The following TXNDC15 variants were observed in gnomAD, a reference collection of about 807,000 sequenced individuals.
The protein encoded by TXNDC15 is thioredoxin domain containing 15.
Under a neutral mutation model 35.0 loss-of-function variants are expected in TXNDC15, and 24 were observed. The ratio of observed to expected loss-of-function variants is 0.68; its 90% CI spans 0.50 to 0.96. The LOEUF (loss-of-function observed/expected upper bound fraction) is 0.96, where lower values mean the gene tolerates loss of function less well. TXNDC15 is among the 40% of genes least tolerant of loss of function. The pLI, the probability that TXNDC15 is intolerant of heterozygous loss-of-function variation, is 0.00. For missense variants in TXNDC15, 385 were observed against 453.3 expected, an observed-to-expected ratio of 0.85 and a Z score of 1.37; for synonymous variants, 169 against 174.0, an observed-to-expected ratio of 0.97 and a Z score of 0.23.
intron 2 of TXNDC15, among the ~76,000 whole-genome samples, chr5:134,888,723 C>A (rs1362357968): frequency 6.6e-6 from 1 of 152,086 alleles, no homozygotes; most frequent in African/African-American, 2.4e-5. Flanking sequence ...TTCAGGTAAT[C>A]CACCCGTCTC....
At chr5:134,895,000 T>C (rs1750462360) in intron 3 of TXNDC15, among the ~76,000 whole-genome samples, 1 of 151,776 alleles carries the variant, frequency 6.6e-6, no homozygotes. Flanking sequence ...ATGGCAGAAC[T>C]CCATCTCTAT....
chr5:134,878,753 C>G (rs906661950), intron 1 of TXNDC15, among the ~76,000 whole-genome samples: 2 of 152,234 alleles, frequency 1.3e-5, no homozygotes, highest in Non-Finnish European at 2.9e-5. Context: ...AATCCCAGCA[C>G]ACTGGGAGGC....
At chr5:134,878,872 A>C (rs1750089322) in intron 1 of TXNDC15, among the ~76,000 whole-genome samples, 1 of 152,136 alleles carries the variant, frequency 6.6e-6, no homozygotes, top group Non-Finnish European at 1.5e-5. Context: ...GGTGGTGCGC[A>C]TCTGTAATCC....
Position 134,893,608 on chromosome 5 carries a change from A to G in TXNDC15, c.708A>G (p.Ala236=), listed in dbSNP as rs1436915601. 6.2e-7 allele frequency: 1 copy of G among 1,614,130 alleles called. No homozygotes were observed. The highest frequency in any genetic ancestry group is 8.5e-7 in the Non-Finnish European group (1 of 1,180,036). Residue 236 remains alanine, a synonymous_variant, in exon 3 of 5, where the codon GCA becomes GCG. Coordinates refer to ENST00000358387, the MANE Select transcript of TXNDC15 (RefSeq NM_024715.4). ...CTCACTTTAACTCTCTGCCCCGGGC[A>G]TTTCCAGCTCTTCACTTTTTGGCAC... The part of the protein sequence containing the change: ...LAPHFNSLPR[A]FPALHFLALD...
intron 1 of TXNDC15, 127 bp downstream of exon 1, chr5:134,874,657 G>GTCTCCCCGACTTC: frequency 1.3e-6 from 1 of 745,342 alleles, no homozygotes; most frequent in Non-Finnish European, 2.0e-6. Flanking sequence ...CCCCGGGCGC[G>GTCTCCCCGACTTC]TCTCCCCGAC....
intron 1 of TXNDC15, among the ~76,000 whole-genome samples, chr5:134,884,131 A>G (rs1229955148): frequency 3.4e-5 from 5 of 149,216 alleles, no homozygotes; most frequent in Admixed American, 3.3e-4. Context: ...GAGGCAGGAG[A>G]ATTGCTTGAA....
chr5:134,899,463 T>G (rs1479241981), intron 4 of TXNDC15, 26 bp from the exon 5 acceptor site: 1 of 1,600,528 alleles, frequency 6.2e-7, no homozygotes, highest in Non-Finnish European at 8.5e-7. Context: ...TTCTGCCTGA[T>G]TTGAAACCAG....
chr5:134,894,738 C>T (rs1380594264), intron 3 of TXNDC15, among the ~76,000 whole-genome samples: 4 of 152,066 alleles, frequency 2.6e-5, no homozygotes, highest in Non-Finnish European at 5.9e-5. Flanking sequence ...GCGATTGTGC[C>T]TGAGTTATAA....
intron 1 of TXNDC15, 137 bp downstream of exon 1, chr5:134,874,667 C>T (rs1283532887): frequency 1.5e-5 from 10 of 681,030 alleles, no homozygotes; most frequent in Middle Eastern, 4.1e-4. Context: ...GTCTCCCCGA[C>T]TTCTCTCCCC....
intron 1 of TXNDC15, among the ~76,000 whole-genome samples, chr5:134,881,795 G>A (rs1283678051): frequency 6.7e-6 from 1 of 149,484 alleles, no homozygotes. Flanking sequence ...CTCCCGGACG[G>A]GGCGGCTGGC....
At position 134,874,437 on chromosome 5, in the gene TXNDC15, G is replaced by T; in HGVS notation, c.10G>T (p.Ala4Ser). 6.2e-7 allele frequency: 1 copy of T among 1,600,452 alleles called. No homozygotes were observed. Residue 4 changes from alanine to serine, a missense_variant, in exon 1 of 5, where the codon GCT (alanine) becomes TCT (serine). Coordinates refer to ENST00000358387, the MANE Select transcript of TXNDC15 (RefSeq NM_024715.4). ...CCTCTCGGCCTGGGCAATGGTCCCG[G>T]CTGCCGGTCGACGACCGCCCCGCGT... MVP[A>S]AGRRPPRVMR...
In TXNDC15 at chr5:134,896,414, T is replaced by G; in HGVS notation, c.876T>G (p.Phe292Leu). 1 of 1,613,658 alleles carries G rather than the reference T, an allele frequency of 6.2e-7. No homozygotes were observed. The highest frequency in any genetic ancestry group is 8.5e-7 in the Non-Finnish European group (1 of 1,179,874). Residue 292 changes from phenylalanine to leucine, a missense_variant, in exon 4 of 5, where the codon TTT becomes TTG. By Grantham distance (22) the Phe-to-Leu change is conservative. Transcript: ENST00000358387. ...TGGAAACACTGAAAATCTTCATTTT[T>G]AATCAGACAGGTATGTGGAAGTAAT... ...RTLETLKIFIFNQTGIEAKKN... is the reference protein window; with the variant it reads ...RTLETLKIFILNQTGIEAKKN...
At chr5:134,886,388 C>T (rs1421014871) in intron 1 of TXNDC15, among the ~76,000 whole-genome samples, 1 of 152,250 alleles carries the variant, frequency 6.6e-6, no homozygotes, top group African/African-American at 2.4e-5. Context: ...GGCTGCTGGC[C>T]TCACTGGTTT....
intron 1 of TXNDC15, among the ~76,000 whole-genome samples, chr5:134,882,737 G>A (rs1303214890): frequency 6.6e-6 from 1 of 152,116 alleles, no homozygotes; most frequent in African/African-American, 2.4e-5. Context: ...GCACTCGGCA[G>A]GCTGAGGCAG....
At chr5:134,874,585 C>G in intron 1 of TXNDC15, 55 bp downstream of exon 1, 1 of 1,439,160 alleles carries the variant, frequency 6.9e-7, no homozygotes, top group Non-Finnish European at 9.5e-7. Context: ...GAGGTCCACC[C>G]GGGCGACGCT....
At chr5:134,883,587 C>CAAAAAAAAAAAAAAAAAAAAA (rs60114636) in intron 1 of TXNDC15, among the ~76,000 whole-genome samples, 20 of 65,360 alleles carry the variant, frequency 3.1e-4, no homozygotes, top group African/African-American at 1.4e-3. Flanking sequence ...GACCCTGTCT[C>CAAAAAAAAAAAAAAAAAAAAA]AAAAAAAAAA....
chr5:134,876,085 G>A lies in TXNDC15; in HGVS notation c.103+1555G>A, dbSNP rs936290267. ...AGGTCATACAGCCAGAAGTTGAGGA[G>A]CCTTGATTCAAGCCCATGTCTGCCT... is the stretch of plus-strand genomic sequence containing the variant. On this transcript the variant is annotated intron_variant, in intron 1 of 4. Coordinates refer to ENST00000358387, the MANE Select transcript of TXNDC15 (RefSeq NM_024715.4). 3.3e-5 allele frequency among the ~76,000 whole-genome samples: 5 copies of A among 152,196 alleles called. No homozygotes were observed. In the East Asian group the frequency reaches 9.6e-4, roughly 29 times the overall value.
chr5:134,879,622 T>C (rs1177858162), intron 1 of TXNDC15, among the ~76,000 whole-genome samples: 1 of 152,152 alleles, frequency 6.6e-6, no homozygotes, highest in East Asian at 1.9e-4. Context: ...ATACCGCCAA[T>C]GTGATCCCGC....
Position 134,888,155 on chromosome 5 carries a change from C to T in TXNDC15, c.564C>T (p.Phe188=). The change falls in exon 2 of 5, where the codon TTC becomes TTT. Residue 188 remains phenylalanine (F), a synonymous_variant. Transcript: ENST00000358387. The part of the protein sequence containing the change: ...EERNITGLEN[F]TLKILNMSQD... ...GAAACATTACAGGATTAGAAAATTT[C>T]ACTCTGAAAATTTTAAATATGTCAC... The T allele has an allele frequency of 6.2e-7, 1 of 1,604,220 alleles. No individual in the cohort carries two copies. Among genetic ancestry groups the T allele is most frequent in the South Asian group, 1.1e-5 (1 of 89,750 alleles).
Sources: gnomAD v4.1 joint callset for allele counts (sites outside exome capture counted in the v4.1 genomes callset) on GRCh38, gnomAD v4.1.1 for gene constraint, MANE v1.5 for transcripts, NCBI Gene and HGNC (gene_info 2026-07-23, HGNC 2026-07-21) for gene names.